ZNF804B: variants seen among roughly 807,000 people sequenced by gnomAD.
The protein encoded by ZNF804B is zinc finger protein 804B, also known as zinc finger 804B.
ZNF804B carries 80 observed loss-of-function variants against 101.4 expected under a neutral mutation model. That is an observed-to-expected ratio of 0.79 (90% confidence interval 0.66 to 0.95). The LOEUF (loss-of-function observed/expected upper bound fraction) is 0.95. Ranked by LOEUF, ZNF804B falls within the 40% of genes least tolerant of loss-of-function variation. The pLI is 0.00. For synonymous variants in ZNF804B, 622 were observed against 558.8 expected, an observed-to-expected ratio of 1.11 and a Z score of -1.59; for missense variants, 1,673 against 1,561.9, an observed-to-expected ratio of 1.07 and a Z score of -1.20.
At chr7:88,926,432 C>CA (rs34926325) in intron 1 of ZNF804B, among the ~76,000 whole-genome samples, 13,920 of 134,958 alleles carry the variant, frequency 0.1, 792 homozygotes, top group South Asian at 0.18. Flanking sequence ...ATTAAAAATA[C>CA]AAAAAAAAAA....
chr7:88,768,903 C>T (rs1790022959), intron 1 of ZNF804B, among the ~76,000 whole-genome samples: 1 of 152,136 alleles, frequency 6.6e-6, no homozygotes, highest in Non-Finnish European at 1.5e-5. Flanking sequence ...TCTAGTTTTG[C>T]CATTGACTAG....
chr7:88,810,126 G>A (rs1439590695), intron 1 of ZNF804B, among the ~76,000 whole-genome samples: 1 of 152,022 alleles, frequency 6.6e-6, no homozygotes, highest in African/African-American at 2.4e-5. Context: ...ATTGCGTACA[G>A]ATGTGTTTAG....
rs1036476399 is a variant in ZNF804B at position 88,835,029 on chromosome 7, C to T, written c.108+74945C>T. ...CTACTGAACTTTCAGAGGTCTCCTACGAACGGAACTGTAGTACTCATTGTA... is the reference window on the plus strand; with the variant it reads ...CTACTGAACTTTCAGAGGTCTCCTATGAACGGAACTGTAGTACTCATTGTA... On this transcript the variant is annotated intron_variant, in intron 1 of 3. Coordinates refer to ENST00000333190, the MANE Select transcript of ZNF804B (RefSeq NM_181646.5). Among the ~76,000 whole-genome samples, 19 of 151,862 alleles carry T rather than the reference C, an allele frequency of 1.3e-4. No individual in the cohort carries two copies. The East Asian group carries it at 1.7e-3, about 14-fold the overall frequency.
chr7:89,204,137 T>G (rs1343316835), intron 1 of ZNF804B, among the ~76,000 whole-genome samples: 2 of 152,190 alleles, frequency 1.3e-5, no homozygotes, highest in Non-Finnish European at 2.9e-5. Flanking sequence ...TCCAGAAAAC[T>G]TAGTTGTCCA....
rs771869064 is a variant in ZNF804B, at chr7:89,335,755, G to A, written c.2773G>A (p.Ala925Thr). ...TAEGERTPLT[A>T]KILLERVQAK... ...AGAAGGAGAGAGGACCCCTCTAACA[G>A]CAAAAATCCTTTTAGAAAGAGTACA... Residue 925 changes from alanine (A) to threonine (T), a missense_variant, in exon 4 of 4, where the codon GCA becomes ACA. Transcript: ENST00000333190. The A allele has an allele frequency of 1.9e-6, 3 of 1,613,996 alleles. No homozygotes were observed. The highest frequency in any genetic ancestry group is 2.5e-6 in the Non-Finnish European group (3 of 1,179,966).
intron 1 of ZNF804B, among the ~76,000 whole-genome samples, chr7:88,777,394 G>A (rs1014148815): frequency 3.9e-5 from 6 of 152,174 alleles, no homozygotes; most frequent in Non-Finnish European, 7.3e-5. Flanking sequence ...CCCAACCAGA[G>A]ACCAGCTAGC....
chr7:88,995,866 C>G (rs1283329894), intron 1 of ZNF804B, among the ~76,000 whole-genome samples: 1 of 151,990 alleles, frequency 6.6e-6, no homozygotes, highest in Non-Finnish European at 1.5e-5. Context: ...AACTTTATAA[C>G]CCTAGCTTAA....
intron 2 of ZNF804B, among the ~76,000 whole-genome samples, chr7:89,287,762 G>A (rs1011095390): frequency 6.6e-6 from 1 of 151,992 alleles, no homozygotes; most frequent in Non-Finnish European, 1.5e-5. Flanking sequence ...CCAGCCAAAG[G>A]GAGAAACCTC....
Position 88,941,658 on chromosome 7 carries a change from C to G in ZNF804B, c.108+181574C>G, listed in dbSNP as rs1793056428. On this transcript the variant is annotated intron_variant, in intron 1 of 3. Coordinates refer to ENST00000333190, the MANE Select transcript of ZNF804B (RefSeq NM_181646.5). ...ACAGATGATTTTTAAGACAGTGGAT[C>G]TATTTTGTATAATATATAATGGTAG... 2.0e-5 allele frequency among the ~76,000 whole-genome samples: 3 copies of G among 152,000 alleles called. No homozygotes were observed. In the South Asian group the frequency reaches 6.2e-4, roughly 31 times the overall value.
At chr7:89,214,031 C>T (rs10264951) in intron 1 of ZNF804B, among the ~76,000 whole-genome samples, 34,351 of 152,068 alleles carry the variant, frequency 0.23, 4,251 homozygotes, top group Non-Finnish European at 0.27. Context: ...ACGTGTTTTA[C>T]GCATTAATGT....
chr7:88,939,306 A>G (rs922207243), intron 1 of ZNF804B, among the ~76,000 whole-genome samples: 1 of 151,984 alleles, frequency 6.6e-6, no homozygotes, highest in Non-Finnish European at 1.5e-5. Context: ...TATTATATAA[A>G]TAGTTATTGT....
intron 1 of ZNF804B, among the ~76,000 whole-genome samples, chr7:88,925,996 A>G (rs1000659247): frequency 2.6e-5 from 4 of 152,312 alleles, no homozygotes; most frequent in South Asian, 4.1e-4. Context: ...AGACCTGCCC[A>G]TAGACTGGAG....
At chr7:89,032,347 A>G (rs1788851013) in intron 1 of ZNF804B, among the ~76,000 whole-genome samples, 1 of 152,010 alleles carries the variant, frequency 6.6e-6, no homozygotes, top group Non-Finnish European at 1.5e-5. Flanking sequence ...TAAGGGGGAT[A>G]AATTCAGACT....
chr7:88,968,408 CT>C (rs1343519720), intron 1 of ZNF804B, among the ~76,000 whole-genome samples: 1 of 151,348 alleles, frequency 6.6e-6, no homozygotes. Context: ...TTCTTTTTTC[CT>C]TCCTATGAAT....
intron 2 of ZNF804B, among the ~76,000 whole-genome samples, chr7:89,223,756 T>G (rs1562921593): frequency 1.3e-5 from 2 of 151,894 alleles, no homozygotes; most frequent in Non-Finnish European, 2.9e-5. Flanking sequence ...ACACCTGATT[T>G]TTTAAATTTC....
In ZNF804B at chr7:89,011,077, GA is replaced by G. The variant is rs1584070704; in HGVS notation, c.109-207075del. On this transcript the variant is annotated intron_variant, in intron 1 of 3. Coordinates refer to ENST00000333190, the MANE Select transcript of ZNF804B (RefSeq NM_181646.5). ...TTCTCCATGGCTGGGGAGGCCTCAG[GA>G]AACTTACAATCATGGCAGAAGGCAC... Among the ~76,000 whole-genome samples the G allele has an allele frequency of 2.0e-5, 3 of 152,310 alleles. No homozygotes were observed. The South Asian group carries it at 6.2e-4, about 32-fold the overall frequency.
At chr7:88,831,988 T>C (rs567118270) in intron 1 of ZNF804B, among the ~76,000 whole-genome samples, 1 of 152,048 alleles carries the variant, frequency 6.6e-6, no homozygotes, top group Admixed American at 6.6e-5. Flanking sequence ...ATATTATGTA[T>C]ACACCTGAAG....
intron 1 of ZNF804B, among the ~76,000 whole-genome samples, chr7:88,772,920 G>A (rs1454313441): frequency 6.6e-6 from 1 of 152,140 alleles, no homozygotes; most frequent in Non-Finnish European, 1.5e-5. Context: ...AATGGTGAAA[G>A]CTTCTTCCTT....
At chr7:88,948,735 C>G (rs1403116345) in intron 1 of ZNF804B, among the ~76,000 whole-genome samples, 2 of 151,792 alleles carry the variant, frequency 1.3e-5, no homozygotes, top group African/African-American at 4.8e-5. Flanking sequence ...TCAACTAGGA[C>G]AACTGGGGAC....
Sources: gnomAD v4.1 joint callset for allele counts (sites outside exome capture counted in the v4.1 genomes callset) on GRCh38, gnomAD v4.1.1 for gene constraint, MANE v1.5 for transcripts, NCBI Gene and HGNC (gene_info 2026-07-23, HGNC 2026-07-21) for gene names.